Variants in CSDE1 observed in about 807,000 individuals in gnomAD.
CSDE1 encodes cold shock domain containing E1.
CSDE1 carries 17 observed loss-of-function variants against 89.3 expected under a neutral mutation model. That is an observed-to-expected ratio of 0.19 (90% CI 0.13 to 0.29). The LOEUF (loss-of-function observed/expected upper bound fraction) is 0.29. Ranked by LOEUF, CSDE1 falls within the 10% of genes least tolerant of loss-of-function variation. CSDE1 has a pLI of 1.00. For synonymous variants in CSDE1, 322 were observed against 332.8 expected, an observed-to-expected ratio of 0.97 and a Z score of 0.35; for missense variants, 672 against 984.2, an observed-to-expected ratio of 0.68 and a Z score of 4.24.
At chr1:114,732,168 TG>T (rs1311183792) in intron 10 of CSDE1, among the ~76,000 whole-genome samples, 1 of 152,164 alleles carries the variant, frequency 6.6e-6, no homozygotes, top group African/African-American at 2.4e-5. Context: ...ATTTTATGTG[TG>T]ATCTAGTGTC....
At chr1:114,757,022 A>G (rs1389751272) in intron 1 of CSDE1, 1 of 152,316 alleles carries the variant, frequency 6.6e-6, no homozygotes, top group South Asian at 2.1e-4. Flanking sequence ...TCATTGCACA[A>G]TGTGGGTGGG....
At chr1:114,744,964 TATTAAACTTTATACACAAAAGCTAAAAC>T (rs1387706410) in intron 2 of CSDE1, among the ~76,000 whole-genome samples, 1 of 152,204 alleles carries the variant, frequency 6.6e-6, no homozygotes, top group African/African-American at 2.4e-5. Context: ...GAATATCAAT[TATTAAACTTTATACACAAAAGCTAAAAC>T]ATTAAACATT....
At chr1:114,738,359 G>A (rs1472254052) in intron 3 of CSDE1, among the ~76,000 whole-genome samples, 1 of 152,106 alleles carries the variant, frequency 6.6e-6, no homozygotes, top group Non-Finnish European at 1.5e-5. Flanking sequence ...ACCATCTTAT[G>A]CTAAGATAGC....
At chr1:114,726,084 C>A in intron 14 of CSDE1, 127 bp downstream of exon 14, 1 of 966,382 alleles carries the variant, frequency 1.0e-6, no homozygotes, top group Non-Finnish European at 1.5e-6. Context: ...TTATATCTTG[C>A]CATAATTCTA....
chr1:114,722,169 C>T (rs974187031), intron 16 of CSDE1, among the ~76,000 whole-genome samples: 1 of 152,150 alleles, frequency 6.6e-6, no homozygotes, highest in African/African-American at 2.4e-5. Context: ...AGGTGTGAGC[C>T]CCTACTCTCG....
At chr1:114,752,243 A>G (rs1453863254) in intron 1 of CSDE1, among the ~76,000 whole-genome samples, 2 of 152,154 alleles carry the variant, frequency 1.3e-5, no homozygotes, top group Non-Finnish European at 2.9e-5. Context: ...TGTCTCAAAA[A>G]ACAAAACAAA....
At chr1:114,721,551 C>T (rs561097925) in intron 16 of CSDE1, among the ~76,000 whole-genome samples, 1 of 152,298 alleles carries the variant, frequency 6.6e-6, no homozygotes, top group African/African-American at 2.4e-5. Flanking sequence ...GCAGAAGCTT[C>T]TAACCATCCT....
chr1:114,734,624 T>A, intron 6 of CSDE1, 101 bp from the exon 7 acceptor site: 1 of 800,854 alleles, frequency 1.2e-6, no homozygotes, highest in Non-Finnish European at 2.0e-6. Context: ...CCTGGGGCTT[T>A]AAGAATTCTA....
chr1:114,738,251 C>T (rs1660516046), intron 3 of CSDE1, among the ~76,000 whole-genome samples, 179 bp from the exon 4 acceptor site: 1 of 152,174 alleles, frequency 6.6e-6, no homozygotes, highest in Non-Finnish European at 1.5e-5. Flanking sequence ...GGGCCTAACT[C>T]TAGTCCTAGC....
intron 14 of CSDE1, 97 bp from the exon 15 acceptor site, chr1:114,725,430 G>A: frequency 2.2e-6 from 2 of 921,044 alleles, no homozygotes; most frequent in Non-Finnish European, 3.5e-6. Flanking sequence ...GGCATGGCAT[G>A]CTTATTTACA....
At chr1:114,748,746 A>C (rs1661144568) in intron 2 of CSDE1, among the ~76,000 whole-genome samples, 2 of 152,244 alleles carry the variant, frequency 1.3e-5, no homozygotes, top group South Asian at 4.1e-4. Flanking sequence ...CTTAGCTTTT[A>C]TCTTCCTTAT....
intron 1 of CSDE1, among the ~76,000 whole-genome samples, chr1:114,756,326 C>T (rs1038728100): frequency 6.6e-6 from 1 of 152,100 alleles, no homozygotes; most frequent in East Asian, 1.9e-4. Flanking sequence ...AGGGCTAAAA[C>T]GAAACAAAAA....
intron 10 of CSDE1, among the ~76,000 whole-genome samples, chr1:114,731,625 T>C (rs1231278467): frequency 6.6e-6 from 1 of 152,162 alleles, no homozygotes; most frequent in Admixed American, 6.5e-5. Context: ...AAAACATGTT[T>C]GGGAAAAAAT....
At chr1:114,748,168 TA>T (rs1408625270) in intron 2 of CSDE1, 5 of 152,340 alleles carry the variant, frequency 3.3e-5, no homozygotes, top group African/African-American at 1.2e-4. Context: ...AAATTGGAAA[TA>T]AAGTCCTAAG....
intron 10 of CSDE1, among the ~76,000 whole-genome samples, 164 bp downstream of exon 10, chr1:114,732,440 T>C (rs766086317): frequency 7.2e-5 from 11 of 152,212 alleles, no homozygotes; most frequent in Non-Finnish European, 1.5e-4. Flanking sequence ...CTGCCAGAGA[T>C]AACCCAGACT....
rs1660512851 is a variant in CSDE1 at position 114,738,198 on chromosome 1, G to A, written c.200-126C>T. 4.2e-6 allele frequency: 3 copies of A among 707,748 alleles called. No homozygotes were observed. The Admixed American group carries it at 6.5e-5, about 15-fold the overall frequency. 43.8% of individuals were successfully genotyped at this position (707,748 alleles called of 1,614,324 possible). On this transcript the variant is annotated intron_variant, in intron 3 of 19. Transcript: ENST00000358528. ...AGTGGTTTTCAAAGTGTGGTCCCTG[G>A]ACCAGCAGCATTAACATCACCTGGG...
intron 14 of CSDE1, among the ~76,000 whole-genome samples, chr1:114,725,797 G>A (rs1659759864): frequency 1.3e-5 from 2 of 152,140 alleles, no homozygotes; most frequent in Non-Finnish European, 2.9e-5. Flanking sequence ...CACCATGTCA[G>A]GCTAATTTTG....
intron 1 of CSDE1, among the ~76,000 whole-genome samples, chr1:114,751,094 G>C (rs568853012): frequency 6.6e-6 from 1 of 152,316 alleles, no homozygotes; most frequent in Admixed American, 6.5e-5. Flanking sequence ...CAGTGCCTTA[G>C]TTTTTGATGA....
intron 13 of CSDE1, among the ~76,000 whole-genome samples, chr1:114,726,742 C>T (rs902409505): frequency 1.3e-5 from 2 of 152,140 alleles, no homozygotes; most frequent in African/African-American, 2.4e-5. Flanking sequence ...TTACCAATAA[C>T]GATTTTATTA....
Sources: allele counts gnomAD v4.1 joint callset (sites outside exome capture counted in the v4.1 genomes callset), GRCh38; gene constraint gnomAD v4.1.1; transcripts MANE v1.5; gene names NCBI Gene and HGNC (gene_info 2026-07-23, HGNC 2026-07-21).